PDILT: variants seen among roughly 807,000 people sequenced by gnomAD.
PDILT encodes the protein protein disulfide isomerase like, testis expressed.
Under a neutral mutation model 53.7 loss-of-function variants are expected in PDILT, and 43 were observed. The ratio of observed to expected loss-of-function variants is 0.80; its 90% CI spans 0.63 to 1.03. The LOEUF is 1.03. PDILT is among the 50% of genes least tolerant of loss of function. The probability of loss-of-function intolerance (pLI) is 0.00; values close to 1 mark genes in which losing one functional copy is unlikely to be tolerated. For synonymous variants in PDILT, 282 were observed against 274.2 expected (o/e 1.03, Z -0.28); for missense variants, 727 against 712.3 (o/e 1.02, Z -0.24).
chr16:20,366,068 T>C (rs1966187400), intron 8 of PDILT, among the ~76,000 whole-genome samples: 1 of 144,672 alleles, frequency 6.9e-6, no homozygotes, highest in Non-Finnish European at 1.5e-5. Context: ...CCAGGCTGGT[T>C]GACAGAGCAA....
chr16:20,376,244 C>T (rs1266366089), intron 3 of PDILT, 43 bp from the exon 4 acceptor site: 2 of 1,606,872 alleles, frequency 1.2e-6, no homozygotes, highest in Non-Finnish European at 1.7e-6. Flanking sequence ...GAAGTTTCCT[C>T]TTGAACCAAA....
In PDILT at chr16:20,359,204, AC is replaced by A; in HGVS notation, c.*114del. ...CTCAGAGGCTTTATTATCCACCCCT[AC>A]CCCCGCCCCACCTACCCTACCACAA... On this transcript the variant is annotated 3_prime_UTR_variant, in exon 12 of 12. Coordinates refer to ENST00000302451, the MANE Select transcript of PDILT (RefSeq NM_174924.2). 1 of 1,488,202 alleles carries A rather than the reference AC, an allele frequency of 6.7e-7. No individual in the cohort carries two copies. The highest frequency in any genetic ancestry group is 9.0e-7 in the Non-Finnish European group (1 of 1,112,634). 92.2% of individuals were successfully genotyped at this position (1,488,202 alleles called of 1,614,324 possible).
intron 2 of PDILT, among the ~76,000 whole-genome samples, chr16:20,393,774 A>G (rs189718654): frequency 1.3e-5 from 2 of 152,306 alleles, no homozygotes; most frequent in Admixed American, 6.5e-5. Context: ...TTGGCTGGAT[A>G]GGAATATGGC....
rs574280250 is a variant in PDILT, at chr16:20,360,966, C to G, written c.1417-309G>C. ...TTTCTCTGACTCACTTTTCCTATCT[C>G]TAATATGGAGACAAAATAGTACCTA... is the stretch of plus-strand genomic sequence containing the variant. On this transcript the variant is annotated intron_variant, in intron 10 of 11. Coordinates refer to ENST00000302451, the MANE Select transcript of PDILT (RefSeq NM_174924.2). Among the ~76,000 whole-genome samples the G allele has an allele frequency of 1.7e-4, 26 of 152,264 alleles. No homozygotes were observed. The East Asian group carries it at 5.0e-3, about 29-fold the overall frequency.
chr16:20,371,294 T>C (rs1966303096), intron 7 of PDILT, among the ~76,000 whole-genome samples: 1 of 152,176 alleles, frequency 6.6e-6, no homozygotes, highest in Non-Finnish European at 1.5e-5. Flanking sequence ...ATAATAATTT[T>C]GAGAAGGTCA....
At chr16:20,374,735 G>A in intron 5 of PDILT, 87 bp downstream of exon 5, 1 of 1,453,550 alleles carries the variant, frequency 6.9e-7, no homozygotes. Flanking sequence ...TTCACAAGTG[G>A]CAGAACCAGA....
intron 8 of PDILT, 133 bp downstream of exon 8, chr16:20,369,359 C>T: frequency 1.9e-6 from 2 of 1,033,234 alleles, no homozygotes; most frequent in Admixed American, 2.0e-5. Flanking sequence ...GGGGGATTTC[C>T]CCACATTGAG....
intron 8 of PDILT, among the ~76,000 whole-genome samples, chr16:20,367,024 CTTCT>C (rs528059448): frequency 0.046 from 3,493 of 75,520 alleles, 103 homozygotes; most frequent in East Asian, 0.091. Flanking sequence ...CTCTCTCTTT[CTTCT>C]TTCTTTCTTT....
At chr16:20,395,531 C>T (rs1966651911) in intron 2 of PDILT, among the ~76,000 whole-genome samples, 2 of 152,304 alleles carry the variant, frequency 1.3e-5, no homozygotes, top group South Asian at 4.1e-4. Flanking sequence ...TGTGGAGTTG[C>T]TATGTCAGGC....
At chr16:20,391,759 TGA>T (rs1182084076) in intron 2 of PDILT, among the ~76,000 whole-genome samples, 1 of 151,674 alleles carries the variant, frequency 6.6e-6, no homozygotes, top group Non-Finnish European at 1.5e-5. Flanking sequence ...TAGCGAATGC[TGA>T]GAGAGAGAGG....
chr16:20,374,571 G>A (rs1966355714), intron 5 of PDILT, among the ~76,000 whole-genome samples: 1 of 152,180 alleles, frequency 6.6e-6, no homozygotes, highest in Non-Finnish European at 1.5e-5. Flanking sequence ...GAAGCATGGA[G>A]TAGAAGAAAA....
At chr16:20,402,581 G>A (rs1966757812) in intron 1 of PDILT, among the ~76,000 whole-genome samples, 1 of 152,220 alleles carries the variant, frequency 6.6e-6, no homozygotes, top group Non-Finnish European at 1.5e-5. Flanking sequence ...TGACAGGCAT[G>A]AGCCACTGTG....
Position 20,360,619 on chromosome 16 carries a change from G to A in PDILT, c.1455C>T (p.Phe485=). 6.2e-7 allele frequency: 1 copy of A among 1,614,130 alleles called. No homozygotes were observed. Among genetic ancestry groups the A allele is most frequent in the Non-Finnish European group, 8.5e-7 (1 of 1,179,990 alleles). The stretch of plus-strand genomic sequence containing the variant: ...TGATGTGGCTTTCCAGGAAGTCAGA[G>A]AAGCCCTTCAGGGTGTGTTCTCCCT... ...LYKGEHTLKG[F]SDFLESHIKT... Residue 485 remains phenylalanine (F), a synonymous_variant, in exon 11 of 12, where the codon TTC becomes TTT. Coordinates refer to ENST00000302451, the MANE Select transcript of PDILT (RefSeq NM_174924.2).
At chr16:20,366,979 CCTTCCTTCCTTTCTTT>C (rs1567320413) in intron 8 of PDILT, among the ~76,000 whole-genome samples, 5 of 41,278 alleles carry the variant, frequency 1.2e-4, no homozygotes, top group African/African-American at 2.1e-4. Flanking sequence ...TTCCTTCCTT[CCTTCCTTCCTTTCTTT>C]CTTTCTTTAT....
At chr16:20,392,040 G>A (rs938415476) in intron 2 of PDILT, among the ~76,000 whole-genome samples, 2 of 152,000 alleles carry the variant, frequency 1.3e-5, no homozygotes, top group South Asian at 2.1e-4. Context: ...CATTGGAGAA[G>A]GCAGGGAGAC....
intron 2 of PDILT, among the ~76,000 whole-genome samples, chr16:20,386,581 G>A (rs1011028185): frequency 1.3e-5 from 2 of 152,014 alleles, no homozygotes; most frequent in Non-Finnish European, 2.9e-5. Context: ...CTCCTGCAAT[G>A]GGATCGGAAA....
At chr16:20,397,944 G>A (rs1351553158) in intron 2 of PDILT, among the ~76,000 whole-genome samples, 2 of 152,078 alleles carry the variant, frequency 1.3e-5, no homozygotes, top group Admixed American at 6.5e-5. Context: ...TCACACCTGC[G>A]GTCTAATTCT....
chr16:20,389,352 G>A (rs1027638526), intron 2 of PDILT, among the ~76,000 whole-genome samples: 15 of 152,246 alleles, frequency 9.9e-5, no homozygotes, highest in Middle Eastern at 3.4e-3. Context: ...TAGATCCTAC[G>A]TCTCAGAGTG....
intron 8 of PDILT, 95 bp from the exon 9 acceptor site, chr16:20,365,635 C>G: frequency 6.9e-7 from 1 of 1,454,246 alleles, no homozygotes. Flanking sequence ...AAGGTTTTCT[C>G]GTGTTTTTTT....
Sources: allele counts gnomAD v4.1 joint callset (sites outside exome capture counted in the v4.1 genomes callset), GRCh38; gene constraint gnomAD v4.1.1; transcripts MANE v1.5; gene names NCBI Gene and HGNC (gene_info 2026-07-23, HGNC 2026-07-21).